EXOC4: variants seen among roughly 807,000 people sequenced by gnomAD.
The protein encoded by EXOC4 is SEC8-like 1.
A neutral mutation model predicts 107.2 loss-of-function variants in EXOC4; 71 were observed. The ratio of observed to expected loss-of-function variants is 0.66; its 90% confidence interval spans 0.55 to 0.81. The LOEUF (loss-of-function observed/expected upper bound fraction) is 0.81, where lower values mean the gene tolerates loss of function less well. EXOC4 is among the 30% of genes least tolerant of loss of function. The pLI is 0.00. For synonymous variants in EXOC4, 456 were observed against 441.2 expected, an observed-to-expected ratio of 1.03 and a Z score of -0.42; for missense variants, 1,108 against 1,189.6, an observed-to-expected ratio of 0.93 and a Z score of 1.01.
At chr7:134,074,853 G>A in the EXOC4 span, among the ~76,000 whole-genome samples, 1 of 152,246 alleles carries the variant, frequency 6.6e-6, no homozygotes, top group African/African-American at 2.4e-5. Context: ...GAGGAACTCA[G>A]TAAAACGAAT....
chr7:133,431,608 CT>C (rs2150776044), intron 7 of EXOC4, among the ~76,000 whole-genome samples: 1 of 152,318 alleles, frequency 6.6e-6, no homozygotes, highest in South Asian at 2.1e-4. Context: ...CCTCCTTATT[CT>C]GCTCTTCCAG....
At chr7:134,019,763 A>T (rs1794988095) in intron 17 of EXOC4, among the ~76,000 whole-genome samples, 1 of 152,214 alleles carries the variant, frequency 6.6e-6, no homozygotes, top group Non-Finnish European at 1.5e-5. Flanking sequence ...ATATTAAAAT[A>T]TGATTTTATT....
chr7:133,805,058 A>G (rs73455446), intron 10 of EXOC4, among the ~76,000 whole-genome samples: 3,827 of 152,292 alleles, frequency 0.025, 175 homozygotes, highest in African/African-American at 0.088. Context: ...TAGGTGTTTC[A>G]GGTATAAATC....
At chr7:133,627,974 C>T (rs1436417095) in intron 9 of EXOC4, among the ~76,000 whole-genome samples, 3 of 151,974 alleles carry the variant, frequency 2.0e-5, no homozygotes, top group Admixed American at 6.6e-5. Flanking sequence ...TTTTATCAGT[C>T]GATTTCCAAG....
chr7:133,535,367 T>C (rs901027513), intron 9 of EXOC4, among the ~76,000 whole-genome samples: 2 of 152,206 alleles, frequency 1.3e-5, no homozygotes, highest in Non-Finnish European at 2.9e-5. Context: ...CTGCCTTGTT[T>C]ATGTGGCTAA....
chr7:133,492,456 A>G (rs2079376826), intron 9 of EXOC4, among the ~76,000 whole-genome samples: 1 of 152,084 alleles, frequency 6.6e-6, no homozygotes, highest in African/African-American at 2.4e-5. Context: ...GGTTGTGTTT[A>G]GTTCTGTCTA....
intron 15 of EXOC4, among the ~76,000 whole-genome samples, chr7:134,001,979 A>G (rs1372837599): frequency 1.3e-5 from 2 of 152,162 alleles, no homozygotes; most frequent in African/African-American, 2.4e-5. Flanking sequence ...CTTTAATTTT[A>G]TTTTCAACAA....
intron 10 of EXOC4, among the ~76,000 whole-genome samples, chr7:133,678,280 C>T (rs1794109207): frequency 6.6e-6 from 1 of 152,138 alleles, no homozygotes; most frequent in South Asian, 2.1e-4. Context: ...AATTGAAACA[C>T]TCATTTGGAT....
At chr7:134,039,580 G>GC (rs1195387830) in intron 17 of EXOC4, among the ~76,000 whole-genome samples, 1 of 152,068 alleles carries the variant, frequency 6.6e-6, no homozygotes, top group Non-Finnish European at 1.5e-5. Context: ...CTTCACCACT[G>GC]CCCTCCATCA....
At chr7:133,479,292 AT>A (rs1799097505) in intron 8 of EXOC4, 1 of 151,128 alleles carries the variant, frequency 6.6e-6, no homozygotes, top group Non-Finnish European at 1.5e-5. Context: ...TGTTTTTGTT[AT>A]TTCTTTTTGT....
intron 14 of EXOC4, among the ~76,000 whole-genome samples, chr7:133,986,803 G>A (rs566078336): frequency 5.3e-5 from 8 of 152,276 alleles, no homozygotes; most frequent in African/African-American, 1.9e-4. Context: ...ATGAAGACTG[G>A]GGGTAGAATT....
intron 9 of EXOC4, among the ~76,000 whole-genome samples, chr7:133,614,487 C>T (rs1802142854): frequency 6.6e-6 from 1 of 152,060 alleles, no homozygotes; most frequent in African/African-American, 2.4e-5. Flanking sequence ...GAGAAATATT[C>T]TACTTGCCCC....
chr7:133,976,214 T>G (rs932878975), intron 14 of EXOC4, among the ~76,000 whole-genome samples: 1 of 152,162 alleles, frequency 6.6e-6, no homozygotes, highest in Non-Finnish European at 1.5e-5. Context: ...GTCCACAGAT[T>G]GGTGAAGTAG....
intron 10 of EXOC4, among the ~76,000 whole-genome samples, chr7:133,696,644 TTTGTTGTTG>T (rs1198784117): frequency 6.6e-6 from 1 of 152,140 alleles, no homozygotes; most frequent in African/African-American, 2.4e-5. Context: ...CTGTATAATC[TTTGTTGTTG>T]TTGTTGTTGA....
At chr7:133,463,259 CAGA>C (rs1334888937) in intron 7 of EXOC4, among the ~76,000 whole-genome samples, 2 of 152,130 alleles carry the variant, frequency 1.3e-5, no homozygotes, top group African/African-American at 4.8e-5. Context: ...CCCAGGTGAT[CAGA>C]AGAATGATGA....
chr7:133,328,168 C>T (rs574431170), intron 5 of EXOC4, among the ~76,000 whole-genome samples: 54 of 152,110 alleles, frequency 3.6e-4, no homozygotes, highest in African/African-American at 1.1e-3. Flanking sequence ...TTGAATTGAT[C>T]CCTTTACCAA....
intron 5 of EXOC4, among the ~76,000 whole-genome samples, chr7:133,341,137 G>A (rs1442954150): frequency 6.6e-6 from 1 of 151,994 alleles, no homozygotes; most frequent in East Asian, 1.9e-4. Context: ...GTCTATTTGT[G>A]CTCTTTCAGA....
intron 9 of EXOC4, among the ~76,000 whole-genome samples, chr7:133,554,273 G>T (rs941960383): frequency 6.6e-6 from 1 of 152,060 alleles, no homozygotes; most frequent in Admixed American, 6.6e-5. Context: ...CTATTCCCTA[G>T]AAATCATTCT....
At chr7:133,264,019 A>G (rs1554426690) in intron 1 of EXOC4, among the ~76,000 whole-genome samples, 1 of 152,152 alleles carries the variant, frequency 6.6e-6, no homozygotes, top group Non-Finnish European at 1.5e-5. Flanking sequence ...TCACCAGAAA[A>G]GAAGATCACT....
Sources: allele counts gnomAD v4.1 joint callset (sites outside exome capture counted in the v4.1 genomes callset), GRCh38; gene constraint gnomAD v4.1.1; transcripts MANE v1.5; gene names NCBI Gene and HGNC (gene_info 2026-07-23, HGNC 2026-07-21).